Variants in ESYT3 observed in about 807,000 individuals in gnomAD.
ESYT3 encodes extended synaptotagmin 3.
ESYT3 carries 101 observed loss-of-function variants against 111.5 expected under a neutral mutation model. That is an observed-to-expected ratio of 0.91 (90% CI 0.77 to 1.07). ESYT3 has a LOEUF of 1.07. ESYT3 is among the 50% of genes least tolerant of loss of function. The pLI, the probability that ESYT3 is intolerant of heterozygous loss-of-function variation, is 0.00. For synonymous variants in ESYT3, 416 were observed against 446.8 expected, an observed-to-expected ratio of 0.93 and a Z score of 0.87; for missense variants, 1,097 against 1,109.4, an observed-to-expected ratio of 0.99 and a Z score of 0.16.
In ESYT3 at chr3:138,476,815, C is replaced by G. The variant is rs777679850; in HGVS notation, c.2625-3C>G. On this transcript the variant is annotated splice_polypyrimidine_tract_variant and splice_region_variant and intron_variant, in intron 22 of 22. Coordinates refer to ENST00000389567, the MANE Select transcript of ESYT3 (RefSeq NM_031913.5). ...GTTAAGTCCAAACGTAACTGTCTTA[C>G]AGGTATGAGCTGACTCCAAATGGAC... 7.4e-6 allele frequency: 12 copies of G among 1,613,740 alleles called. 1 individual carries two copies. Among genetic ancestry groups the G allele is most frequent in the Middle Eastern group, 3.3e-4 (2 of 6,082 alleles).
intron 2 of ESYT3, among the ~76,000 whole-genome samples, chr3:138,454,365 C>G (rs1335219492): frequency 6.6e-6 from 1 of 152,078 alleles, no homozygotes; most frequent in African/African-American, 2.4e-5. Context: ...TGGTGAAACC[C>G]TGTCTCTAAC....
At chr3:138,449,673 C>T (rs1364440363) in intron 1 of ESYT3, among the ~76,000 whole-genome samples, 1 of 152,060 alleles carries the variant, frequency 6.6e-6, no homozygotes, top group Non-Finnish European at 1.5e-5. Flanking sequence ...CAACCCGGGC[C>T]AAAGGTGTGG....
chr3:138,457,453 T>C lies in ESYT3; in HGVS notation c.505-115T>C, dbSNP rs1416271517. Reference sequence around the variant, plus strand: ...TAGATTTACATGTCTGTGCCTCGTCTTGGAAGTATGGTGGTCATGCTCGTT... The same window carrying C: ...TAGATTTACATGTCTGTGCCTCGTCCTGGAAGTATGGTGGTCATGCTCGTT... On this transcript the variant is annotated intron_variant, in intron 3 of 22. Transcript: ENST00000389567. 3.4e-6 allele frequency: 3 copies of C among 892,150 alleles called. No homozygotes were observed. The African/African-American group carries it at 4.9e-5, about 15-fold the overall frequency. 55.3% of individuals were successfully genotyped at this position (892,150 alleles called of 1,614,324 possible).
At chr3:138,480,722 AAATT>A (rs750525770), downstream of ESYT3, 36 of 152,374 alleles carry the variant, frequency 2.4e-4, no homozygotes, top group African/African-American at 7.7e-4. Flanking sequence ...ATTTCTCTCC[AAATT>A]AATTATATGT....
chr3:138,477,368 C>T lies in ESYT3; in HGVS notation c.*514C>T, dbSNP rs2033534363. 1.3e-5 allele frequency: 2 copies of T among 152,586 alleles called. No homozygotes were observed. 9.5% of individuals were successfully genotyped at this position (152,586 alleles called of 1,614,324 possible). On this transcript the variant is annotated 3_prime_UTR_variant, in exon 23 of 23. Transcript: ENST00000389567. ...AACTCAAAACTGCCAAGAGCTAACA[C>T]TGCCAAAGCCCTTCTGGCTGCCACC...
intron 7 of ESYT3, among the ~76,000 whole-genome samples, chr3:138,461,022 T>C (rs1264372085): frequency 6.6e-6 from 1 of 152,192 alleles, no homozygotes; most frequent in East Asian, 1.9e-4. Context: ...TGTGTGGCTC[T>C]GGAACCAGAG....
At chr3:138,480,504 T>C (rs148096618), downstream of ESYT3, 51 of 152,310 alleles carry the variant, frequency 3.3e-4, 1 homozygote, top group African/African-American at 1.0e-3. Context: ...ATTGCTAGAA[T>C]TAACCAGAAA....
At chr3:138,457,505 G>T in intron 3 of ESYT3, 63 bp from the exon 4 acceptor site, 1 of 1,445,258 alleles carries the variant, frequency 6.9e-7, no homozygotes, top group South Asian at 1.1e-5. Context: ...GCCGGGGGGA[G>T]AGCTGGCAGC....
Position 138,472,751 on chromosome 3 carries a change from C to G in ESYT3, c.2129C>G (p.Pro710Arg), listed in dbSNP as rs1039981994. 1.9e-6 allele frequency: 3 copies of G among 1,614,252 alleles called. No homozygotes were observed. Among genetic ancestry groups the G allele is most frequent in the Non-Finnish European group, 2.5e-6 (3 of 1,180,050 alleles). The change falls in exon 18 of 23, where the codon CCT (proline) becomes CGT (arginine). Residue 710 changes from proline (P) to arginine (R), a missense_variant. Transcript: ENST00000389567. ...AAGTCACCCAGACCCATGAAATGCCCTGCCTCCCCATTCGCATGGCCGCCC... is the reference window on the plus strand; with the variant it reads ...AAGTCACCCAGACCCATGAAATGCCGTGCCTCCCCATTCGCATGGCCGCCC... Reference protein sequence around the residue: ...PIKSPRPMKCPASPFAWPPKR... With the variant: ...PIKSPRPMKCRASPFAWPPKR...
In ESYT3 at chr3:138,452,009, G is replaced by T. The variant is rs750941758; in HGVS notation, c.328-39G>T. The T allele has an allele frequency of 1.9e-6, 3 of 1,612,108 alleles. No homozygotes were observed. In the East Asian group the frequency reaches 6.7e-5, roughly 36 times the overall value. On this transcript the variant is annotated intron_variant, in intron 1 of 22. Transcript: ENST00000389567. The stretch of plus-strand genomic sequence containing the variant: ...CTTGCTTGGTTCCCAGCGGGTGTGC[G>T]GCTTCTAGTCTAACTTCCCCTCGGG...
chr3:138,436,318 G>A (rs1204923005), intron 1 of ESYT3, among the ~76,000 whole-genome samples: 4 of 152,062 alleles, frequency 2.6e-5, no homozygotes, highest in African/African-American at 7.3e-5. Flanking sequence ...TCTTCCTACC[G>A]TCTTCACACC....
At chr3:138,466,974 C>A (rs1350870814) in intron 10 of ESYT3, among the ~76,000 whole-genome samples, 1 of 152,104 alleles carries the variant, frequency 6.6e-6, no homozygotes, top group African/African-American at 2.4e-5. Context: ...GGGATCTGCC[C>A]CCATGACCCA....
chr3:138,472,977 T>TC, intron 18 of ESYT3, 118 bp downstream of exon 18: 7 of 1,513,766 alleles, frequency 4.6e-6, no homozygotes, highest in Non-Finnish European at 6.1e-6. Flanking sequence ...CAAAATATCT[T>TC]CCTAAGAGGC....
intron 1 of ESYT3, among the ~76,000 whole-genome samples, chr3:138,441,242 C>T (rs2031129760): frequency 6.6e-6 from 1 of 152,186 alleles, no homozygotes; most frequent in Admixed American, 6.5e-5. Context: ...TGAGACTGCT[C>T]ACTGCTTCAT....
At chr3:138,457,339 G>C (rs1438533162) in intron 3 of ESYT3, among the ~76,000 whole-genome samples, 2 of 152,164 alleles carry the variant, frequency 1.3e-5, no homozygotes, top group Non-Finnish European at 2.9e-5. Context: ...CTGGCCTCAG[G>C]GCCACTCTGT....
downstream of ESYT3, chr3:138,479,954 C>T (rs777658767): frequency 4.6e-5 from 7 of 152,166 alleles, no homozygotes; most frequent in African/African-American, 2.4e-5. Context: ...GTTTGGTTAC[C>T]TGTGCAATGT....
At chr3:138,448,828 G>C (rs910923093) in intron 1 of ESYT3, among the ~76,000 whole-genome samples, 1 of 152,178 alleles carries the variant, frequency 6.6e-6, no homozygotes, top group Non-Finnish European at 1.5e-5. Context: ...CTTGCACCTC[G>C]GCTCACTGGG....
Position 138,452,077 on chromosome 3 carries a change from G to A in ESYT3, c.357G>A (p.Glu119=). 6.2e-7 allele frequency: 1 copy of A among 1,607,576 alleles called. No individual in the cohort carries two copies. The highest frequency in any genetic ancestry group is 8.5e-7 in the Non-Finnish European group (1 of 1,179,798). Residue 119 remains glutamate (E), a synonymous_variant, in exon 2 of 23, where the codon GAG becomes GAA. Transcript: ENST00000389567. ...ACTTCCCGGACGTGGAGCGGGTCGA[G>A]TGGGCCAACAAGGTAAGGCCGCTGG... The part of the protein sequence containing the change: ...WIHFPDVERV[E]WANKIISQTW...
At chr3:138,464,585 C>CA in intron 9 of ESYT3, 70 bp downstream of exon 9, 1 of 1,535,094 alleles carries the variant, frequency 6.5e-7, no homozygotes, top group East Asian at 2.3e-5. Context: ...CCAGGGGCAA[C>CA]ACTAGGCAGG....
Sources: gnomAD v4.1 joint callset for allele counts (sites outside exome capture counted in the v4.1 genomes callset) on GRCh38, gnomAD v4.1.1 for gene constraint, MANE v1.5 for transcripts, NCBI Gene and HGNC (gene_info 2026-07-23, HGNC 2026-07-21) for gene names.